PRIM2: variants seen among roughly 807,000 people sequenced by gnomAD.
PRIM2 encodes DNA primase large subunit.
In PRIM2, 39 loss-of-function variants were observed where a neutral mutation model predicts 67.3. The ratio of observed to expected loss-of-function variants is 0.58; its 90% CI spans 0.45 to 0.76. The LOEUF (loss-of-function observed/expected upper bound fraction) is 0.76. Ranked by LOEUF, PRIM2 falls within the 30% of genes least tolerant of loss-of-function variation. The probability of loss-of-function intolerance (pLI) is 0.00; values close to 1 mark genes in which losing one functional copy is unlikely to be tolerated. For synonymous variants in PRIM2, 143 were observed against 198.7 expected, an observed-to-expected ratio of 0.72 and a Z score of 2.36; for missense variants, 398 against 598.7, an observed-to-expected ratio of 0.66 and a Z score of 3.50.
At chr6:57,330,131 C>T (rs571698399) in intron 5 of PRIM2, among the ~76,000 whole-genome samples, 1 of 152,216 alleles carries the variant, frequency 6.6e-6, no homozygotes, top group South Asian at 2.1e-4. Flanking sequence ...TCTTCCAATC[C>T]ATGAACATGG....
At chr6:57,309,793 G>T in the PRIM2 span, among the ~76,000 whole-genome samples, 1 of 152,202 alleles carries the variant, frequency 6.6e-6, no homozygotes, top group Non-Finnish European at 1.5e-5. Context: ...CAGTGTAAAA[G>T]TGTTCCTATT....
chr6:57,608,755 A>G (rs1776606248), intron 12 of PRIM2, among the ~76,000 whole-genome samples: 2 of 151,224 alleles, frequency 1.3e-5, no homozygotes, highest in Admixed American at 1.3e-4. Flanking sequence ...GGGATGCTAG[A>G]GTGGTATTAG....
the PRIM2 span, among the ~76,000 whole-genome samples, chr6:57,252,144 C>A: frequency 1.3e-5 from 2 of 152,314 alleles, no homozygotes; most frequent in East Asian, 3.9e-4. Flanking sequence ...TTAATAATCT[C>A]TCCTTCCTCA....
chr6:57,576,947 T>C (rs1775973933), intron 10 of PRIM2, among the ~76,000 whole-genome samples: 1 of 151,556 alleles, frequency 6.6e-6, no homozygotes, highest in South Asian at 2.1e-4. Flanking sequence ...CATAGCAGTA[T>C]ATTGTAATTT....
chr6:57,639,715 C>A (rs1395024570), intron 13 of PRIM2, among the ~76,000 whole-genome samples: 6 of 149,554 alleles, frequency 4.0e-5, no homozygotes, highest in African/African-American at 1.2e-4. Context: ...AGACTAATAA[C>A]AGGTTCTGAA....
rs1180712592 is a variant in PRIM2, at chr6:57,606,579, A to G, written c.1230+122A>G. ...TGTCAGGCCTCACACCAGACATCTT[A>G]TCTTCAAGATGAATTAAGTTAAAAC... is the stretch of plus-strand genomic sequence containing the variant. On this transcript the variant is annotated intron_variant, in intron 12 of 13. Coordinates refer to ENST00000615550, the MANE Select transcript of PRIM2 (RefSeq NM_000947.5). 9.0e-5 allele frequency: 53 copies of G among 590,384 alleles called. No individual in the cohort carries two copies. The East Asian group carries it at 1.4e-3, about 16-fold the overall frequency. 36.6% of individuals were successfully genotyped at this position (590,384 alleles called of 1,614,324 possible). A position where few individuals can be genotyped will look rare whatever the true frequency, so the allele number is the denominator to read the frequency against.
intron 5 of PRIM2, among the ~76,000 whole-genome samples, chr6:57,370,431 A>G (rs988193084): frequency 2.6e-5 from 4 of 152,226 alleles, no homozygotes; most frequent in African/African-American, 9.6e-5. Flanking sequence ...TCTGACAGTC[A>G]TCCTACATTT....
chr6:57,609,396 A>G (rs1481350352), intron 12 of PRIM2, among the ~76,000 whole-genome samples: 16 of 152,296 alleles, frequency 1.1e-4, no homozygotes, highest in African/African-American at 3.9e-4. Flanking sequence ...CTGGAGAGTA[A>G]AGGGGTTATG....
At chr6:57,244,841 A>T in the PRIM2 span, among the ~76,000 whole-genome samples, 1 of 152,118 alleles carries the variant, frequency 6.6e-6, no homozygotes, top group South Asian at 2.1e-4. Flanking sequence ...GAACTCCTTG[A>T]GGAATTCTAA....
chr6:57,318,571 T>C lies in PRIM2; in HGVS notation c.126T>C (p.Phe42=). 1 of 1,576,128 alleles carries C rather than the reference T, an allele frequency of 6.3e-7. No individual in the cohort carries two copies. The highest frequency in any genetic ancestry group is 8.6e-7 in the Non-Finnish European group (1 of 1,159,258). ...PPSENISLIE[F]ENLAIDRVKL... is the part of the protein sequence containing the mutation. ...CTGAAAACATATCTTTAATAGAATTTGAAAACTTGGCTATTGATAGAGTTA... is the reference window on the plus strand; with the variant it reads ...CTGAAAACATATCTTTAATAGAATTCGAAAACTTGGCTATTGATAGAGTTA... Residue 42 remains phenylalanine (F), a synonymous_variant, in exon 2 of 14, where the codon TTT becomes TTC. Coordinates refer to ENST00000615550, the MANE Select transcript of PRIM2 (RefSeq NM_000947.5).
chr6:57,636,263 A>G lies in PRIM2; in HGVS notation c.1299+4062A>G, dbSNP rs1370948401. Among the ~76,000 whole-genome samples the G allele has an allele frequency of 5.3e-5, 8 of 152,366 alleles. No homozygotes were observed. In the East Asian group the frequency reaches 1.4e-3, roughly 26 times the overall value. The stretch of plus-strand genomic sequence containing the variant: ...AAATGCTCACTTAATATTTCCAAAC[A>G]GAGTAAAGGAAATAGCTGCTGACTT... On this transcript the variant is annotated intron_variant, in intron 13 of 13. Transcript: ENST00000615550.
At chr6:57,459,407 A>T (rs5002208) in intron 7 of PRIM2, among the ~76,000 whole-genome samples, 104 of 152,268 alleles carry the variant, frequency 6.8e-4, no homozygotes, top group Admixed American at 2.5e-3. Context: ...AAATGATCTT[A>T]TTAGGTGGAC....
At chr6:57,455,358 G>A (rs981585020) in intron 7 of PRIM2, among the ~76,000 whole-genome samples, 3 of 152,090 alleles carry the variant, frequency 2.0e-5, no homozygotes, top group Non-Finnish European at 2.9e-5. Context: ...TTTCTGTCTC[G>A]TTGATCTGTC....
chr6:57,645,822 A>G (rs1777324762), intron 13 of PRIM2, 106 bp from the exon 14 acceptor site: 2 of 638,568 alleles, frequency 3.1e-6, no homozygotes, highest in African/African-American at 3.7e-5. Flanking sequence ...GCTAGAATCC[A>G]TGTTTCAGGT....
intron 10 of PRIM2, among the ~76,000 whole-genome samples, chr6:57,539,015 A>G (rs1330914875): frequency 1.3e-4 from 20 of 152,304 alleles, no homozygotes; most frequent in African/African-American, 4.8e-4. Flanking sequence ...TATATACTTT[A>G]TTAAAAAGCA....
At chr6:57,497,148 T>G (rs1326968702) in intron 7 of PRIM2, among the ~76,000 whole-genome samples, 1 of 152,200 alleles carries the variant, frequency 6.6e-6, no homozygotes, top group East Asian at 1.9e-4. Flanking sequence ...ACGTAAATTT[T>G]GTATACGTTT....
chr6:57,551,620 T>C lies in PRIM2; in HGVS notation c.1020+13995T>C, dbSNP rs1775405062. Among the ~76,000 whole-genome samples the C allele has an allele frequency of 3.3e-5, 5 of 152,078 alleles. No individual in the cohort carries two copies. In the South Asian group the frequency reaches 1.0e-3, roughly 32 times the overall value. ...CAACAAACATTGAGTATCTACTATG[T>C]CCCAGGTGGTCTTCTAGCTACTAGA... On this transcript the variant is annotated intron_variant, in intron 10 of 13. Transcript: ENST00000615550.
chr6:57,605,996 T>C (rs1424282239), intron 11 of PRIM2, among the ~76,000 whole-genome samples: 1 of 152,224 alleles, frequency 6.6e-6, no homozygotes, highest in Non-Finnish European at 1.5e-5. Context: ...CTCATATGCC[T>C]TTTATATAAT....
chr6:57,446,433 T>TTTTTTTTTTTTTTA (rs1772369420), intron 7 of PRIM2, among the ~76,000 whole-genome samples: 1 of 143,322 alleles, frequency 7.0e-6, no homozygotes, highest in African/African-American at 2.6e-5. Context: ...TTTTTTTTTT[T>TTTTTTTTTTTTTTA]GAGACAGTCT....
Sources: allele counts gnomAD v4.1 joint callset (sites outside exome capture counted in the v4.1 genomes callset), GRCh38; gene constraint gnomAD v4.1.1; transcripts MANE v1.5; gene names NCBI Gene and HGNC (gene_info 2026-07-23, HGNC 2026-07-21).